The following PDLIM5 variants were observed in gnomAD, a reference collection of about 807,000 sequenced individuals.
PDLIM5 encodes PDZ and LIM domain protein 5.
A neutral mutation model predicts 64.2 loss-of-function variants in PDLIM5; 34 were observed. The observed-to-expected ratio is 0.53, with a 90% CI of 0.40 to 0.71. The LOEUF is 0.71. Ranked by LOEUF, PDLIM5 falls within the 30% of genes least tolerant of loss-of-function variation. PDLIM5 has a pLI of 0.00. For missense variants in PDLIM5, 683 were observed against 733.6 expected (o/e 0.93, Z 0.80); for synonymous variants, 253 against 269.1 (o/e 0.94, Z 0.59).
intron 2 of PDLIM5, among the ~76,000 whole-genome samples, chr4:94,521,033 A>G: frequency 6.6e-6 from 1 of 152,192 alleles, no homozygotes; most frequent in Admixed American, 6.5e-5. Flanking sequence ...AAAACCTACA[A>G]TATTCAAGGC....
chr4:94,654,383 C>T, intron 9 of PDLIM5, 77 bp from the exon 10 acceptor site: 3 of 898,790 alleles, frequency 3.3e-6, no homozygotes, highest in Non-Finnish European at 5.5e-6. Context: ...TTGGACATTG[C>T]ATAAAAGAGG....
At chr4:94,635,381 C>G (rs1740475770) in intron 8 of PDLIM5, among the ~76,000 whole-genome samples, 1 of 152,006 alleles carries the variant, frequency 6.6e-6, no homozygotes, top group Non-Finnish European at 1.5e-5. Context: ...GAAAAAGTCA[C>G]ACTTTTTGTG....
At chr4:94,540,770 T>C (rs1177380372) in intron 3 of PDLIM5, among the ~76,000 whole-genome samples, 1 of 152,248 alleles carries the variant, frequency 6.6e-6, no homozygotes, top group Non-Finnish European at 1.5e-5. Flanking sequence ...GCTCCTTTTG[T>C]TTAGTATTTC....
At chr4:94,596,417 C>T (rs969687784) in intron 7 of PDLIM5, among the ~76,000 whole-genome samples, 15 of 152,134 alleles carry the variant, frequency 9.9e-5, no homozygotes, top group Non-Finnish European at 1.3e-4. Flanking sequence ...AAGTTGTTTT[C>T]CATTTCACCT....
intron 2 of PDLIM5, 64 bp downstream of exon 2, chr4:94,455,448 G>T (rs1723248987): frequency 2.9e-6 from 3 of 1,033,562 alleles, no homozygotes; most frequent in South Asian, 1.3e-5. Context: ...GGGCTGAGTT[G>T]TTTAATTCTC....
At chr4:94,473,903 A>C (rs111884697) in intron 2 of PDLIM5, among the ~76,000 whole-genome samples, 1,794 of 152,304 alleles carry the variant, frequency 0.012, 41 homozygotes, top group African/African-American at 0.041. Context: ...TACATAGTTC[A>C]GTGATAATTT....
chr4:94,549,393 A>G (rs74638457), intron 3 of PDLIM5, among the ~76,000 whole-genome samples: 5,529 of 152,270 alleles, frequency 0.036, 151 homozygotes, highest in Non-Finnish European at 0.059. Context: ...ATTCCCTTCT[A>G]AAGGGAATGG....
intron 2 of PDLIM5, among the ~76,000 whole-genome samples, chr4:94,489,268 C>G (rs1227989397): frequency 6.6e-6 from 1 of 152,086 alleles, no homozygotes; most frequent in Non-Finnish European, 1.5e-5. Context: ...AATACTTTGT[C>G]CCTGGTTCTG....
At chr4:94,540,515 T>G (rs999972649) in intron 3 of PDLIM5, among the ~76,000 whole-genome samples, 1 of 152,180 alleles carries the variant, frequency 6.6e-6, no homozygotes, top group South Asian at 2.1e-4. Context: ...GTATTCTGGC[T>G]GTGTAATATG....
chr4:94,586,591 C>A, intron 7 of PDLIM5, 147 bp downstream of exon 7: 1 of 609,904 alleles, frequency 1.6e-6, no homozygotes, highest in Non-Finnish European at 3.0e-6. Flanking sequence ...TTTGTGTGAC[C>A]TAAATGTACA....
At chr4:94,535,442 A>G (rs1019235224) in intron 3 of PDLIM5, among the ~76,000 whole-genome samples, 6 of 152,198 alleles carry the variant, frequency 3.9e-5, no homozygotes, top group Admixed American at 6.5e-5. Flanking sequence ...ACTAAGTTCT[A>G]TGCCTTGTCT....
intron 7 of PDLIM5, among the ~76,000 whole-genome samples, chr4:94,590,864 G>A (rs1409041330): frequency 1.3e-5 from 2 of 152,082 alleles, no homozygotes; most frequent in African/African-American, 2.4e-5. Context: ...ATATCTAACT[G>A]CTTGCAAATA....
At chr4:94,461,503 G>C (rs187213444) in intron 2 of PDLIM5, among the ~76,000 whole-genome samples, 1 of 148,762 alleles carries the variant, frequency 6.7e-6, no homozygotes, top group Non-Finnish European at 1.5e-5. Context: ...CTTTTCTAGC[G>C]TACTTTGTTT....
chr4:94,555,103 A>G (rs903231168), intron 3 of PDLIM5, among the ~76,000 whole-genome samples: 1 of 152,052 alleles, frequency 6.6e-6, no homozygotes, highest in Non-Finnish European at 1.5e-5. Flanking sequence ...CCCCAGCTGG[A>G]GTGCAGTGGT....
intron 2 of PDLIM5, among the ~76,000 whole-genome samples, chr4:94,514,965 A>G (rs1363398653): frequency 6.6e-6 from 1 of 152,242 alleles, no homozygotes; most frequent in Non-Finnish European, 1.5e-5. Context: ...TACATATGCC[A>G]AAATAGAAGT....
intron 11 of PDLIM5, among the ~76,000 whole-genome samples, chr4:94,657,995 C>T (rs1742351342): frequency 6.6e-6 from 1 of 152,172 alleles, no homozygotes; most frequent in African/African-American, 2.4e-5. Context: ...TGCGCCTGGC[C>T]CTATATAGAC....
chr4:94,618,530 A>G (rs551566432), intron 8 of PDLIM5, among the ~76,000 whole-genome samples: 1 of 152,362 alleles, frequency 6.6e-6, no homozygotes, highest in African/African-American at 2.4e-5. Context: ...ATAACATTTT[A>G]GTTTTGATGA....
chr4:94,556,148 A>G (rs1163313853), intron 3 of PDLIM5, among the ~76,000 whole-genome samples: 1 of 151,104 alleles, frequency 6.6e-6, no homozygotes, highest in Non-Finnish European at 1.5e-5. Context: ...GAGTGAGAAC[A>G]TGCAGTGTTT....
chr4:94,569,317 G>A (rs1168178804), intron 3 of PDLIM5, among the ~76,000 whole-genome samples: 1 of 143,422 alleles, frequency 7.0e-6, no homozygotes, highest in Non-Finnish European at 1.5e-5. Flanking sequence ...TTACCCCTTC[G>A]TTTGTTTGTT....
Sources: allele counts gnomAD v4.1 joint callset (sites outside exome capture counted in the v4.1 genomes callset), GRCh38; gene constraint gnomAD v4.1.1; transcripts MANE v1.5; gene names NCBI Gene and HGNC (gene_info 2026-07-23, HGNC 2026-07-21).